The following CRBN variants were observed in gnomAD, a reference collection of about 807,000 sequenced individuals.
CRBN encodes the protein cereblon.
In CRBN, 53 loss-of-function variants were observed where a neutral mutation model predicts 62.2. The observed-to-expected ratio is 0.85, with a 90% CI of 0.68 to 1.07. The LOEUF is 1.07. Ranked by LOEUF, CRBN falls within the 50% of genes least tolerant of loss-of-function variation. The probability of loss-of-function intolerance (pLI) is 0.00; values close to 1 mark genes in which losing one functional copy is unlikely to be tolerated. For synonymous variants in CRBN, 208 were observed against 176.1 expected, an observed-to-expected ratio of 1.18 and a Z score of -1.43; for missense variants, 616 against 531.1, an observed-to-expected ratio of 1.16 and a Z score of -1.57.
Position 3,164,280 on chromosome 3 carries a change from C to G in CRBN, c.687+3354G>C, listed in dbSNP as rs1707242942. On this transcript the variant is annotated intron_variant, in intron 5 of 10. Coordinates refer to ENST00000231948, the MANE Select transcript of CRBN (RefSeq NM_016302.4). ...GCTTAGTTAGAAACACATGTCAAAG[C>G]TGAAAGAGGCCAAACGCTAGGCCTC... Among the ~76,000 whole-genome samples, 5 of 152,186 alleles carry G rather than the reference C, an allele frequency of 3.3e-5. No homozygotes were observed. In the South Asian group the frequency reaches 1.0e-3, roughly 32 times the overall value.
At chr3:3,155,918 C>T (rs1429684442) in intron 6 of CRBN, 16 of 335,080 alleles carry the variant, frequency 4.8e-5, no homozygotes, top group African/African-American at 3.4e-4. Flanking sequence ...TCAATCCTTC[C>T]ACCTCAGCCT....
chr3:3,150,635 C>G lies in CRBN; in HGVS notation c.*230G>C, dbSNP rs1400742970. On this transcript the variant is annotated 3_prime_UTR_variant, in exon 11 of 11. Transcript: ENST00000231948. ...CCACAGGATAATGGCACCAAGCTAC[C>G]CAAGTAGATGTTTCTGGTATTCTAG... The G allele has an allele frequency of 2.2e-6, 1 of 460,340 alleles. No individual in the cohort carries two copies. The highest frequency in any genetic ancestry group is 2.2e-5 in the South Asian group (1 of 45,462). The allele number at this position is 460,340 out of a possible 1,614,324, so 28.5% of individuals were successfully genotyped here.
In CRBN at chr3:3,159,411, G is replaced by A. The variant is rs927873183; in HGVS notation, c.688-3130C>T. On this transcript the variant is annotated intron_variant, in intron 5 of 10. Transcript: ENST00000231948. The stretch of plus-strand genomic sequence containing the variant: ...AAAATATACTTCACATATCAGAATG[G>A]TCACTTTTGTAATACAAAAGAAATG... 4.6e-5 allele frequency among the ~76,000 whole-genome samples: 7 copies of A among 152,106 alleles called. No individual in the cohort carries two copies. In the South Asian group the frequency reaches 1.5e-3, roughly 32 times the overall value.
In CRBN at chr3:3,154,073, A is replaced by T; in HGVS notation, c.838T>A (p.Phe280Ile). 6.3e-7 allele frequency: 1 copy of T among 1,585,990 alleles called. No individual in the cohort carries two copies. Among genetic ancestry groups the T allele is most frequent in the Non-Finnish European group, 8.7e-7 (1 of 1,154,312 alleles). ...DDSLPSNPID[F>I]SYRVAACLPI... ...AGACAAGCAGCTACTCTGTAAGAAA[A>T]ATCTTCAAGACATGGTTTTTCAAGT... Residue 280 changes from phenylalanine to isoleucine, a missense_variant and splice_region_variant, in exon 8 of 11, where the codon TTT (phenylalanine) becomes ATT (isoleucine). Transcript: ENST00000231948.
chr3:3,179,426 A>G (rs1471254553), intron 1 of CRBN, among the ~76,000 whole-genome samples, 195 bp downstream of exon 1: 2 of 152,012 alleles, frequency 1.3e-5, no homozygotes, highest in Non-Finnish European at 2.9e-5. Context: ...GGCTCGGGGC[A>G]ACAGAGCAGC....
chr3:3,171,139 CCTTGT>C (rs2126066609), intron 4 of CRBN, among the ~76,000 whole-genome samples: 1 of 152,234 alleles, frequency 6.6e-6, no homozygotes, highest in East Asian at 1.9e-4. Context: ...AAAATCCATT[CCTTGT>C]CTTGTTTTCA....
Position 3,155,024 on chromosome 3 carries a change from T to C in CRBN, c.751-193A>G, listed in dbSNP as rs1056147384. The C allele has an allele frequency of 1.2e-5, 7 of 597,100 alleles. No individual in the cohort carries two copies. The East Asian group carries it at 2.0e-4, about 17-fold the overall frequency. The allele number at this position is 597,100 out of a possible 1,614,324, so 37.0% of individuals were successfully genotyped here. On this transcript the variant is annotated intron_variant, in intron 6 of 10. Coordinates refer to ENST00000231948, the MANE Select transcript of CRBN (RefSeq NM_016302.4). ...GCTCCTTTGCCCAGCACTGTCTGCCTTCCAGCCTTTTCTCACTCACTGTCT... is the reference window on the plus strand; with the variant it reads ...GCTCCTTTGCCCAGCACTGTCTGCCCTCCAGCCTTTTCTCACTCACTGTCT...
chr3:3,165,897 C>G (rs773479472), intron 5 of CRBN, among the ~76,000 whole-genome samples: 1 of 152,158 alleles, frequency 6.6e-6, no homozygotes, highest in Non-Finnish European at 1.5e-5. Context: ...GCCAAACATA[C>G]TTTTAGGCAC....
At chr3:3,176,038 C>T (rs986755100) in intron 1 of CRBN, among the ~76,000 whole-genome samples, 8 of 152,178 alleles carry the variant, frequency 5.3e-5, no homozygotes, top group Non-Finnish European at 1.2e-4. Context: ...CCTTTCCCCC[C>T]TCCTTTTCAC....
At chr3:3,156,657 A>G (rs554950616) in intron 5 of CRBN, 1 of 222,414 alleles carries the variant, frequency 4.5e-6, no homozygotes, top group African/African-American at 2.3e-5. Flanking sequence ...GATATAATCC[A>G]AACTGTTTTT....
At chr3:3,173,124 C>T (rs1206269951) in intron 3 of CRBN, among the ~76,000 whole-genome samples, 199 bp from the exon 4 acceptor site, 1 of 152,160 alleles carries the variant, frequency 6.6e-6, no homozygotes, top group Non-Finnish European at 1.5e-5. Context: ...GTGGCATGAG[C>T]TCGGCTTGCT....
In CRBN at chr3:3,173,347, C is replaced by T. The variant is rs573936006; in HGVS notation, c.378-422G>A. On this transcript the variant is annotated intron_variant, in intron 3 of 10. Transcript: ENST00000231948. ...TGCTGGGAGTATAGGCGTGAGCTACCATGCCCGGCCAATTTTATTTATTTT... is the reference window on the plus strand; with the variant it reads ...TGCTGGGAGTATAGGCGTGAGCTACTATGCCCGGCCAATTTTATTTATTTT... Among the ~76,000 whole-genome samples, 10 of 152,276 alleles carry T rather than the reference C, an allele frequency of 6.6e-5. No individual in the cohort carries two copies. In the East Asian group the frequency reaches 1.7e-3, roughly 26 times the overall value.
Position 3,155,946 on chromosome 3 carries a change from A to C in CRBN, c.750+273T>G, listed in dbSNP as rs1367256838. On this transcript the variant is annotated intron_variant, in intron 6 of 10. Coordinates refer to ENST00000231948, the MANE Select transcript of CRBN (RefSeq NM_016302.4). The stretch of plus-strand genomic sequence containing the variant: ...CTCAGCCTCTCAAGCAGCTGGGACT[A>C]CAGCCACATGCCACCAAACCTGGCT... 14 of 388,722 alleles carry C rather than the reference A, an allele frequency of 3.6e-5. No individual in the cohort carries two copies. In the East Asian group the frequency reaches 8.5e-4, roughly 24 times the overall value. 24.1% of individuals were successfully genotyped at this position (388,722 alleles called of 1,614,324 possible). A position where few individuals can be genotyped will look rare whatever the true frequency, so the allele number is the denominator to read the frequency against.
At chr3:3,167,270 C>T (rs920694946) in intron 5 of CRBN, among the ~76,000 whole-genome samples, 8 of 152,178 alleles carry the variant, frequency 5.3e-5, no homozygotes, top group Non-Finnish European at 7.4e-5. Context: ...TCTACTACTA[C>T]TCTACCCCAA....
chr3:3,166,756 A>G (rs949529300), intron 5 of CRBN, among the ~76,000 whole-genome samples: 1 of 152,150 alleles, frequency 6.6e-6, no homozygotes, highest in Admixed American at 6.6e-5. Flanking sequence ...ATTCTACTGC[A>G]AGAACAATAA....
At chr3:3,169,152 G>T (rs1404844271) in intron 4 of CRBN, among the ~76,000 whole-genome samples, 1 of 152,166 alleles carries the variant, frequency 6.6e-6, no homozygotes, top group Non-Finnish European at 1.5e-5. Context: ...CTGGCTTACA[G>T]ATCATGTTAA....
intron 5 of CRBN, among the ~76,000 whole-genome samples, chr3:3,166,549 T>C (rs771161025): frequency 6.6e-6 from 1 of 152,170 alleles, no homozygotes; most frequent in Non-Finnish European, 1.5e-5. Context: ...GTTTCAAGGT[T>C]GTTTGGGAGT....
chr3:3,167,412 T>C (rs964387877), intron 5 of CRBN: 4 of 488,700 alleles, frequency 8.2e-6, no homozygotes, highest in Admixed American at 3.7e-5. Context: ...ATAAGCATAA[T>C]AACAAGGATA....
intron 5 of CRBN, among the ~76,000 whole-genome samples, chr3:3,161,594 G>C (rs1249793455): frequency 1.3e-5 from 2 of 152,108 alleles, no homozygotes; most frequent in Admixed American, 6.5e-5. Context: ...TCACCATTTT[G>C]GCCAGGCTGG....
Sources: allele counts gnomAD v4.1 joint callset (sites outside exome capture counted in the v4.1 genomes callset), GRCh38; gene constraint gnomAD v4.1.1; transcripts MANE v1.5; gene names NCBI Gene and HGNC (gene_info 2026-07-23, HGNC 2026-07-21).